The following BRWD3 variants were observed in gnomAD, a reference collection of about 807,000 sequenced individuals.
BRWD3 encodes bromodomain and WD repeat domain containing 3.
In BRWD3, 10 loss-of-function variants were observed where a neutral mutation model predicts 149.7. The observed-to-expected ratio is 0.07, with a 90% CI of 0.04 to 0.11. BRWD3 has a LOEUF of 0.11. Ranked by LOEUF, BRWD3 falls within the 10% of genes least tolerant of loss-of-function variation. The pLI, the probability that BRWD3 is intolerant of heterozygous loss-of-function variation, is 1.00. For synonymous variants in BRWD3, 504 were observed against 456.7 expected, an observed-to-expected ratio of 1.10 and a Z score of -1.32; for missense variants, 940 against 1,373.2, an observed-to-expected ratio of 0.68 and a Z score of 4.99.
chrX:80,691,358 A>G (rs2072608932), intron 30 of BRWD3, among the ~76,000 whole-genome samples, 185 bp from the exon 31 acceptor site: 1 of 112,045 alleles, frequency 8.9e-6, no homozygotes, highest in Non-Finnish European at 1.9e-5. Flanking sequence ...TGAATCATGC[A>G]TGATACACTG....
chrX:80,809,813 GT>G lies in BRWD3; in HGVS notation c.-343del, dbSNP rs2074395101. On this transcript the variant is annotated 5_prime_UTR_variant, in exon 1 of 41. Transcript: ENST00000373275. ...AGAGAGAGAGAGAGAGACGCGGGGG[GT>G]GGGGGGGCGGAGAGAGAGAGAGAGA... is the stretch of plus-strand genomic sequence containing the variant. 2.2e-5 allele frequency: 3 copies of G among 136,465 alleles called. No individual in the cohort carries two copies. The highest frequency in any genetic ancestry group is 2.7e-5 in the Non-Finnish European group (2 of 74,085). 11.2% of individuals were successfully genotyped at this position (136,465 alleles called of 1,213,427 possible).
intron 24 of BRWD3, 51 bp downstream of exon 24, chrX:80,703,429 G>T: frequency 1.3e-6 from 1 of 794,856 alleles, no homozygotes; most frequent in Non-Finnish European, 1.9e-6. Flanking sequence ...ACTGATTAAA[G>T]TTAGTGCTCT....
In BRWD3 at chrX:80,809,605, C is replaced by A; in HGVS notation, c.-134G>T. 2.2e-6 allele frequency: 1 copy of A among 460,206 alleles called. No homozygotes were observed. Among genetic ancestry groups the A allele is most frequent in the South Asian group, 3.2e-5 (1 of 30,782 alleles). The allele number at this position is 460,206 out of a possible 1,213,427, so 37.9% of individuals were successfully genotyped here. A position where few individuals can be genotyped will look rare whatever the true frequency, so the allele number is the denominator to read the frequency against. ...TCCGCCGCACTCCTCGTCCTAGTTTCGCTCTCTCTCGAATTCATCGCATCA... is the reference window on the plus strand; with the variant it reads ...TCCGCCGCACTCCTCGTCCTAGTTTAGCTCTCTCTCGAATTCATCGCATCA... On this transcript the variant is annotated 5_prime_UTR_variant, in exon 1 of 41. An upstream open reading frame in the 5' UTR gains an earlier in-frame stop. Transcript: ENST00000373275.
chrX:80,705,939 C>G (rs1344297289), intron 22 of BRWD3, among the ~76,000 whole-genome samples: 1 of 112,165 alleles, frequency 8.9e-6, no homozygotes, highest in African/African-American at 3.2e-5. Context: ...GAAGACTTTA[C>G]AAACACTACG....
chrX:80,809,127 C>T, intron 2 of BRWD3, 85 bp from the exon 3 acceptor site: 1 of 1,147,013 alleles, frequency 8.7e-7, no homozygotes. Flanking sequence ...CAGCCGCTGA[C>T]CGTTTGACTA....
At chrX:80,728,726 A>C (rs775793534) in intron 14 of BRWD3, 26 bp downstream of exon 14, 28 of 1,152,836 alleles carry the variant, frequency 2.4e-5, no homozygotes, top group Non-Finnish European at 3.0e-5. Flanking sequence ...TGACCATTTT[A>C]ATTACTCTAA....
chrX:80,692,689 C>G (rs1288473573), intron 28 of BRWD3, among the ~76,000 whole-genome samples: 1 of 111,655 alleles, frequency 9.0e-6, no homozygotes, highest in East Asian at 2.8e-4. Context: ...ATAGAAAATG[C>G]AAACAACAAA....
At chrX:80,705,126 T>G (rs1318226360) in intron 22 of BRWD3, among the ~76,000 whole-genome samples, 4 of 110,320 alleles carry the variant, frequency 3.6e-5, no homozygotes, top group African/African-American at 1.3e-4. Context: ...ATTAGCCGGG[T>G]GTGATGGCAC....
At chrX:80,753,370 A>G (rs1442826306) in intron 6 of BRWD3, among the ~76,000 whole-genome samples, 1 of 108,349 alleles carries the variant, frequency 9.2e-6, no homozygotes, top group Non-Finnish European at 1.9e-5. Flanking sequence ...CCCAGGTTCA[A>G]GCAATCCTCC....
intron 4 of BRWD3, among the ~76,000 whole-genome samples, chrX:80,800,302 T>C (rs772211667): frequency 9.6e-6 from 1 of 104,405 alleles, no homozygotes; most frequent in Non-Finnish European, 2.0e-5. Flanking sequence ...GGCTTAGGTC[T>C]GTAATCCTAG....
intron 11 of BRWD3, 91 bp downstream of exon 11, chrX:80,734,027 A>C (rs1021183825): frequency 5.3e-5 from 35 of 661,975 alleles, no homozygotes; most frequent in Non-Finnish European, 8.2e-5. Context: ...TGTGATTTGT[A>C]TATGTTACTA....
At chrX:80,720,556 C>T (rs1163443503) in intron 17 of BRWD3, among the ~76,000 whole-genome samples, 1 of 107,684 alleles carries the variant, frequency 9.3e-6, no homozygotes, top group Non-Finnish European at 2.0e-5. Flanking sequence ...AGTTAAAAAA[C>T]AAACAAACAA....
intron 33 of BRWD3, among the ~76,000 whole-genome samples, chrX:80,689,288 C>G (rs1449315990): frequency 4.5e-5 from 5 of 111,538 alleles, no homozygotes; most frequent in African/African-American, 6.5e-5. Flanking sequence ...GTACTACTTC[C>G]ATTTCATTCA....
intron 6 of BRWD3, among the ~76,000 whole-genome samples, chrX:80,751,682 C>G (rs1040524824): frequency 1.8e-5 from 2 of 111,434 alleles, no homozygotes; most frequent in African/African-American, 6.5e-5. Context: ...ATACACTGTA[C>G]TCATTAAGTA....
intron 7 of BRWD3, among the ~76,000 whole-genome samples, chrX:80,745,109 C>A (rs1455490903): frequency 9.0e-6 from 1 of 110,856 alleles, no homozygotes; most frequent in Non-Finnish European, 1.9e-5. Flanking sequence ...TAAAAAATAA[C>A]CAGTACTGAA....
rs749989423 is a variant in BRWD3, at chrX:80,719,416, A to G, written c.2044+73T>C. On this transcript the variant is annotated intron_variant, in intron 18 of 40. Transcript: ENST00000373275. ...TATTTATAAACGTAAAATATTTTCC[A>G]TGTAATTATTTGGTAAAAGTAAAAT... 3.9e-5 allele frequency: 37 copies of G among 953,470 alleles called. No individual in the cohort carries two copies. In the South Asian group the frequency reaches 8.2e-4, roughly 21 times the overall value. The allele number at this position is 953,470 out of a possible 1,213,427, so 78.6% of individuals were successfully genotyped here.
Position 80,764,310 on chromosome X carries a change from G to T in BRWD3, c.431-18581C>A, listed in dbSNP as rs781582382. Among the ~76,000 whole-genome samples, 4 of 110,929 alleles carry T rather than the reference G, an allele frequency of 3.6e-5. No homozygotes were observed. The East Asian group carries it at 1.2e-3, about 34-fold the overall frequency. On this transcript the variant is annotated intron_variant, in intron 6 of 40. Coordinates refer to ENST00000373275, the MANE Select transcript of BRWD3 (RefSeq NM_153252.5). ...TCTTCAGAATATGGGGCTAGGCAAA[G>T]AATTTTTTTTTTAGAGACGGAGTCT...
intron 6 of BRWD3, among the ~76,000 whole-genome samples, chrX:80,766,158 C>A (rs1317179723): frequency 9.0e-6 from 1 of 111,459 alleles, no homozygotes; most frequent in African/African-American, 3.3e-5. Flanking sequence ...CCTTGGAGGT[C>A]TGAATAGAAC....
At chrX:80,684,838 A>C (rs1040670258) in intron 36 of BRWD3, among the ~76,000 whole-genome samples, 1 of 111,014 alleles carries the variant, frequency 9.0e-6, no homozygotes, top group Non-Finnish European at 1.9e-5. Flanking sequence ...CAAGCCTCAA[A>C]AACAAGTTTC....
Sources: gnomAD v4.1 joint callset for allele counts (sites outside exome capture counted in the v4.1 genomes callset) on GRCh38, gnomAD v4.1.1 for gene constraint, MANE v1.5 for transcripts, NCBI Gene and HGNC (gene_info 2026-07-23, HGNC 2026-07-21) for gene names.